The following RAB2A variants were observed in gnomAD, a reference collection of about 807,000 sequenced individuals.
RAB2A encodes RAB2A, member RAS oncogene family.
A neutral mutation model predicts 32.5 loss-of-function variants in RAB2A; 7 were observed. The ratio of observed to expected loss-of-function variants is 0.22; its 90% confidence interval spans 0.12 to 0.40. The LOEUF (loss-of-function observed/expected upper bound fraction) is 0.40, where lower values mean the gene tolerates loss of function less well. Among genes scored for constraint, RAB2A ranks in the 10% least tolerant of loss-of-function variants. The probability of loss-of-function intolerance (pLI) is 1.00; values close to 1 mark genes in which losing one functional copy is unlikely to be tolerated. For synonymous variants in RAB2A, 79 were observed against 85.2 expected (o/e 0.93, Z 0.40); for missense variants, 108 against 260.7 (o/e 0.41, Z 4.03).
intron 7 of RAB2A, among the ~76,000 whole-genome samples, chr8:60,619,721 G>T (rs942289224): frequency 1.3e-5 from 2 of 152,178 alleles, no homozygotes; most frequent in South Asian, 4.1e-4. Flanking sequence ...CACATTCATT[G>T]TTTCTGTCTG....
intron 6 of RAB2A, among the ~76,000 whole-genome samples, chr8:60,615,559 C>A (rs1387574166): frequency 6.6e-6 from 1 of 152,064 alleles, no homozygotes. Context: ...AAATCCCAGC[C>A]AATGTGTTAT....
intron 1 of RAB2A, among the ~76,000 whole-genome samples, chr8:60,518,691 ATGCG>A (rs948753938): frequency 1.4e-5 from 2 of 147,928 alleles, no homozygotes; most frequent in Non-Finnish European, 3.0e-5. Flanking sequence ...AGGTTTTCTG[ATGCG>A]TGCGTGCGTG....
intron 1 of RAB2A, chr8:60,558,466 G>T: frequency 1.9e-6 from 1 of 513,494 alleles, no homozygotes; most frequent in Non-Finnish European, 3.9e-6. Context: ...TTTGTTCATA[G>T]GGGAGTATGA....
chr8:60,563,024 A>AT, intron 2 of RAB2A, among the ~76,000 whole-genome samples: 1 of 152,078 alleles, frequency 6.6e-6, no homozygotes, highest in African/African-American at 2.4e-5. Flanking sequence ...TAAAAAAAAA[A>AT]TAGCAGATTA....
chr8:60,550,933 C>T (rs1273207977), intron 1 of RAB2A, among the ~76,000 whole-genome samples: 2 of 152,140 alleles, frequency 1.3e-5, no homozygotes, highest in African/African-American at 4.8e-5. Flanking sequence ...GGCCTCATTG[C>T]AGTTTCTCTA....
chr8:60,582,583 G>A (rs931437804), intron 3 of RAB2A, among the ~76,000 whole-genome samples: 1 of 152,112 alleles, frequency 6.6e-6, no homozygotes. Context: ...GTACAGTGGT[G>A]CAATTACATC....
intron 1 of RAB2A, among the ~76,000 whole-genome samples, chr8:60,525,247 TAGTG>T (rs1322311269): frequency 1.3e-5 from 2 of 152,160 alleles, no homozygotes; most frequent in Non-Finnish European, 2.9e-5. Flanking sequence ...GATCTGGTGA[TAGTG>T]AGTGCTCATG....
At chr8:60,523,686 A>T (rs58443130) in intron 1 of RAB2A, among the ~76,000 whole-genome samples, 9,458 of 147,944 alleles carry the variant, frequency 0.064, 793 homozygotes, top group African/African-American at 0.19. Flanking sequence ...ACTTTTGTTA[A>T]CCTTCATTTT....
At chr8:60,546,033 G>A (rs714207) in intron 1 of RAB2A, among the ~76,000 whole-genome samples, 22,816 of 152,154 alleles carry the variant, frequency 0.15, 1,853 homozygotes, top group East Asian at 0.26. Flanking sequence ...TATAAATGTT[G>A]TAAAAACAGG....
intron 1 of RAB2A, among the ~76,000 whole-genome samples, chr8:60,556,330 AT>A (rs1335246992): frequency 6.6e-6 from 1 of 152,158 alleles, no homozygotes; most frequent in Admixed American, 6.5e-5. Flanking sequence ...TTTCTTGTAT[AT>A]TTTCAAATAG....
chr8:60,597,268 A>G (rs904837138), intron 6 of RAB2A, among the ~76,000 whole-genome samples: 2 of 152,242 alleles, frequency 1.3e-5, no homozygotes, highest in African/African-American at 4.8e-5. Context: ...AGCCATAAAA[A>G]GGGATGAGTT....
chr8:60,613,098 T>C (rs1427227393), intron 6 of RAB2A, among the ~76,000 whole-genome samples: 5 of 152,222 alleles, frequency 3.3e-5, no homozygotes, highest in East Asian at 1.9e-4. Context: ...TTATTAAATA[T>C]ATTTTATTTT....
At chr8:60,555,768 A>G (rs891394429) in intron 1 of RAB2A, among the ~76,000 whole-genome samples, 2 of 152,232 alleles carry the variant, frequency 1.3e-5, no homozygotes, top group East Asian at 1.9e-4. Flanking sequence ...AATTTAAATT[A>G]TAGTCACTAA....
chr8:60,518,842 T>G (rs1439934593), intron 1 of RAB2A, among the ~76,000 whole-genome samples: 1 of 152,170 alleles, frequency 6.6e-6, no homozygotes, highest in East Asian at 1.9e-4. Flanking sequence ...AATGCCACAT[T>G]AACTGTAATA....
intron 2 of RAB2A, among the ~76,000 whole-genome samples, chr8:60,563,268 A>G (rs1466839732): frequency 4.6e-5 from 7 of 152,244 alleles, no homozygotes; most frequent in African/African-American, 1.7e-4. Flanking sequence ...TCTTTGAGTC[A>G]TAGAAACAGT....
intron 6 of RAB2A, among the ~76,000 whole-genome samples, chr8:60,605,081 CTGCACAGCCTCAGGACACTACTCCCTGCA>C (rs1212847925): frequency 6.6e-6 from 1 of 152,178 alleles, no homozygotes; most frequent in Non-Finnish European, 1.5e-5. Flanking sequence ...CCCCACCACC[CTGCACAGCCTCAGGACACTACTCCCTGCA>C]TCCCAGCCAC....
intron 3 of RAB2A, among the ~76,000 whole-genome samples, chr8:60,575,784 A>C (rs1056461415): frequency 4.0e-5 from 6 of 151,308 alleles, no homozygotes; most frequent in African/African-American, 1.5e-4. Context: ...CAGCCTCCCA[A>C]GTAGCTGGAA....
intron 1 of RAB2A, among the ~76,000 whole-genome samples, chr8:60,545,988 T>C (rs1807721473): frequency 6.6e-6 from 1 of 152,224 alleles, no homozygotes; most frequent in South Asian, 2.1e-4. Context: ...AAAAGATGAA[T>C]AGGAATACAG....
At chr8:60,599,819 G>GAA (rs56227393) in intron 6 of RAB2A, among the ~76,000 whole-genome samples, 2 of 149,834 alleles carry the variant, frequency 1.3e-5, no homozygotes, top group Non-Finnish European at 1.5e-5. Flanking sequence ...TCTTTTAGGG[G>GAA]AAAAAAAAAG....
Sources: allele counts gnomAD v4.1 joint callset (sites outside exome capture counted in the v4.1 genomes callset), GRCh38; gene constraint gnomAD v4.1.1; transcripts MANE v1.5; gene names NCBI Gene and HGNC (gene_info 2026-07-23, HGNC 2026-07-21).